NCSTN: variants seen among roughly 807,000 people sequenced by gnomAD.
NCSTN encodes the protein anterior pharynx-defective 2.
NCSTN carries 22 observed loss-of-function variants against 87.0 expected under a neutral mutation model. The ratio of observed to expected loss-of-function variants is 0.25; its 90% CI spans 0.18 to 0.36. The LOEUF (loss-of-function observed/expected upper bound fraction) is 0.36, where lower values mean the gene tolerates loss of function less well. NCSTN is among the 10% of genes least tolerant of loss of function. The pLI is 1.00. For synonymous variants in NCSTN, 306 were observed against 327.1 expected (o/e 0.94, Z 0.69); for missense variants, 693 against 883.3 (o/e 0.78, Z 2.73).
In NCSTN at chr1:160,352,101, C is replaced by T. The variant is rs199661878; in HGVS notation, c.891C>T (p.Ser297=). The T allele has an allele frequency of 1.4e-5, 23 of 1,614,076 alleles. No individual in the cohort carries two copies. Among genetic ancestry groups the T allele is most frequent in the Middle Eastern group, 1.6e-4 (1 of 6,082 alleles). ...FFWNVAPGAE[S]AVASFVTQLA... is the part of the protein sequence containing the mutation. ...GGAATGTGGCCCCAGGGGCTGAAAGCGCAGTGGCTTCCTTTGTCACCCAGC... is the reference window on the plus strand; with the variant it reads ...GGAATGTGGCCCCAGGGGCTGAAAGTGCAGTGGCTTCCTTTGTCACCCAGC... Residue 297 remains serine, a synonymous_variant, in exon 8 of 17, where the codon AGC becomes AGT. Transcript: ENST00000294785.
In NCSTN at chr1:160,357,049, G is replaced by C; in HGVS notation, c.1803G>C (p.Glu601Asp). The C allele has an allele frequency of 1.2e-6, 2 of 1,613,654 alleles. No homozygotes were observed. Among genetic ancestry groups the C allele is most frequent in the Non-Finnish European group, 1.7e-6 (2 of 1,179,658 alleles). Residue 601 changes from glutamate (E) to aspartate (D), a missense_variant, in exon 16 of 17, where the codon GAG (glutamate) becomes GAC (aspartate). Glu to Asp is a conservative substitution (Grantham distance 45). Coordinates refer to ENST00000294785, the MANE Select transcript of NCSTN (RefSeq NM_015331.3). ...GCGCATCTTCTGTGCAGCTGTATGA[G>C]TACTCATGGGTCCAGGGCCCTTTGC... ...KVPSENKDLY[E>D]YSWVQGPLHS...
chr1:160,357,594 A>G (rs1405874400), intron 16 of NCSTN, among the ~76,000 whole-genome samples: 1 of 152,052 alleles, frequency 6.6e-6, no homozygotes. Context: ...TTTAGTAGAG[A>G]TGGGTTTCAC....
chr1:160,352,549 A>T (rs1357297372), intron 8 of NCSTN, among the ~76,000 whole-genome samples: 1 of 152,202 alleles, frequency 6.6e-6, no homozygotes, highest in Non-Finnish European at 1.5e-5. Context: ...CATCACTAGG[A>T]CCACAGCAGA....
intron 2 of NCSTN, among the ~76,000 whole-genome samples, chr1:160,345,855 C>G (rs1416175150): frequency 7.1e-6 from 1 of 141,060 alleles, no homozygotes; most frequent in East Asian, 2.2e-4. Context: ...AGAAGAATCC[C>G]TTGAGCCCAG....
intron 7 of NCSTN, 51 bp from the exon 8 acceptor site, chr1:160,352,002 TG>T: frequency 6.2e-7 from 1 of 1,602,178 alleles, no homozygotes; most frequent in Non-Finnish European, 8.6e-7. Context: ...AAAGGAGGTT[TG>T]GGGCCAGTTT....
intron 7 of NCSTN, 86 bp from the exon 8 acceptor site, chr1:160,351,968 G>A: frequency 6.4e-7 from 1 of 1,553,632 alleles, no homozygotes; most frequent in Non-Finnish European, 8.9e-7. Context: ...CACAGGACAG[G>A]TATATTCTCT....
intron 8 of NCSTN, 131 bp from the exon 9 acceptor site, chr1:160,352,754 CTG>C (rs1429592207): frequency 1.3e-6 from 1 of 746,002 alleles, no homozygotes; most frequent in Non-Finnish European, 2.4e-6. Flanking sequence ...AGTCACATGA[CTG>C]TAAGCTGACT....
intron 16 of NCSTN, 21 bp from the exon 17 acceptor site, chr1:160,358,128 C>T: frequency 1.9e-6 from 3 of 1,614,162 alleles, no homozygotes; most frequent in African/African-American, 1.3e-5. Context: ...TTGTCCTTTC[C>T]TGCCCTCCCT....
intron 2 of NCSTN, among the ~76,000 whole-genome samples, chr1:160,347,411 CCTT>C (rs1648558122): frequency 6.6e-6 from 1 of 152,238 alleles, no homozygotes; most frequent in African/African-American, 2.4e-5. Context: ...CTCCCTCCCT[CCTT>C]CTATCCTTTC....
At chr1:160,357,306 G>A in intron 16 of NCSTN, 53 bp downstream of exon 16, 1 of 1,503,672 alleles carries the variant, frequency 6.7e-7, no homozygotes, top group Non-Finnish European at 9.1e-7. Flanking sequence ...TTCTTTCTCT[G>A]CTTTCTTGTG....
intron 11 of NCSTN, among the ~76,000 whole-genome samples, chr1:160,354,955 C>A (rs1213553576): frequency 6.6e-6 from 1 of 152,212 alleles, no homozygotes; most frequent in Non-Finnish European, 1.5e-5. Context: ...CCAAGTAGCA[C>A]CTTCTCATTC....
intron 2 of NCSTN, among the ~76,000 whole-genome samples, chr1:160,348,438 C>T (rs1648635935): frequency 6.6e-6 from 1 of 152,232 alleles, no homozygotes; most frequent in Non-Finnish European, 1.5e-5. Flanking sequence ...GAGAGCACAT[C>T]TCTGATCCAT....
intron 1 of NCSTN, chr1:160,344,490 G>T: frequency 6.5e-7 from 1 of 1,537,352 alleles, no homozygotes; most frequent in Non-Finnish European, 8.8e-7. Flanking sequence ...ACTGTCAATG[G>T]CGCTACATGG....
chr1:160,352,014 T>C, intron 7 of NCSTN, 40 bp from the exon 8 acceptor site: 1 of 1,611,042 alleles, frequency 6.2e-7, no homozygotes, highest in African/African-American at 1.3e-5. Flanking sequence ...GGGCCAGTTT[T>C]AAAGTATATA....
chr1:160,350,190 A>G lies in NCSTN; in HGVS notation c.522A>G (p.Glu174=). 6.2e-7 allele frequency: 1 copy of G among 1,614,202 alleles called. No homozygotes were observed. Among genetic ancestry groups the G allele is most frequent in the South Asian group, 1.1e-5 (1 of 91,082 alleles). The change falls in exon 5 of 17, where the codon GAA becomes GAG. Residue 174 remains glutamate (E), a synonymous_variant. Coordinates refer to ENST00000294785, the MANE Select transcript of NCSTN (RefSeq NM_015331.3). ...WNSLGNGLAY[E]DFSFPIFLLE... Reference sequence around the variant, plus strand: ...CGCTGGGCAATGGTTTGGCTTATGAAGACTTTAGTTTCCCCATCTTTCTTC... The same window carrying G: ...CGCTGGGCAATGGTTTGGCTTATGAGGACTTTAGTTTCCCCATCTTTCTTC...
intron 10 of NCSTN, chr1:160,353,563 A>T: frequency 8.0e-7 from 1 of 1,248,940 alleles, no homozygotes; most frequent in Non-Finnish European, 1.0e-6. Context: ...AGGCTGCTCT[A>T]CCCAAGTCCT....
At chr1:160,349,521 C>A (rs368711451) in intron 3 of NCSTN, 28 bp from the exon 4 acceptor site, 4 of 1,614,058 alleles carry the variant, frequency 2.5e-6, no homozygotes, top group South Asian at 1.1e-5. Flanking sequence ...TTCCTGTGTT[C>A]CTTCATGGAA....
chr1:160,347,865 C>T (rs891437573), intron 2 of NCSTN, among the ~76,000 whole-genome samples: 8 of 152,210 alleles, frequency 5.3e-5, no homozygotes, highest in Non-Finnish European at 8.8e-5. Flanking sequence ...CCACCCACTT[C>T]GGCCTCCCAA....
intron 2 of NCSTN, 91 bp from the exon 3 acceptor site, chr1:160,348,908 C>A (rs1317026079): frequency 1.3e-6 from 2 of 1,564,484 alleles, no homozygotes; most frequent in Non-Finnish European, 1.8e-6. Context: ...GTTGTGACAT[C>A]TTTAGGGGAT....
Sources: gnomAD v4.1 joint callset for allele counts (sites outside exome capture counted in the v4.1 genomes callset) on GRCh38, gnomAD v4.1.1 for gene constraint, MANE v1.5 for transcripts, NCBI Gene and HGNC (gene_info 2026-07-23, HGNC 2026-07-21) for gene names.